The following C17orf107 variants were observed in gnomAD, a reference collection of about 807,000 sequenced individuals.
The protein encoded by C17orf107 is uncharacterized protein C17orf107.
Under a neutral mutation model 8.9 loss-of-function variants are expected in C17orf107, and 9 were observed. The observed-to-expected ratio is 1.02, with a 90% confidence interval of 0.61 to 1.77. The LOEUF (loss-of-function observed/expected upper bound fraction) is 1.77. C17orf107 is among the 40% of genes most tolerant of loss of function. The pLI, the probability that C17orf107 is intolerant of heterozygous loss-of-function variation, is 0.00. For missense variants in C17orf107, 281 were observed against 249.0 expected (o/e 1.13, Z -0.86); for synonymous variants, 139 against 120.3 (o/e 1.16, Z -1.02).
rs1969971072 is a variant in C17orf107 at position 4,901,132 on chromosome 17, G to A, written c.*599G>A. 10 of 1,612,354 alleles carry A rather than the reference G, an allele frequency of 6.2e-6. No homozygotes were observed. The highest frequency in any genetic ancestry group is 7.6e-6 in the Non-Finnish European group (9 of 1,179,916). ...CAGTCTCCCCTGGGCCGTCGGTGGC[G>A]CCACCGTGGTGGCGGCGGATCACCC... On this transcript the variant is annotated 3_prime_UTR_variant, in exon 3 of 3. Transcript: ENST00000381365.
rs1167646186 is a variant in C17orf107 at position 4,902,755 on chromosome 17, C to A, written c.*2222C>A. ...AGACGCAGTTCCTCGTTCTTCCCCA[C>A]ACCCCTGCCTGCGATGGGGTCAAGA... On this transcript the variant is annotated 3_prime_UTR_variant, in exon 3 of 3. Coordinates refer to ENST00000381365, the MANE Select transcript of C17orf107 (RefSeq NM_001145536.2). This position sits in a 1 kb window ranked among gnomAD's most constrained non-coding sequence, Gnocchi z 4.0. The A allele has an allele frequency of 5.6e-6, 9 of 1,614,070 alleles. No homozygotes were observed. In the South Asian group the frequency reaches 8.8e-5, roughly 16 times the overall value.
chr17:4,901,199 CG>C lies in C17orf107; in HGVS notation c.*671del, dbSNP rs2151097507. ...GGCCCACTCGCCGTTCTCTGCGGGA[CG>C]GGGGCACGGTCAGCTGGCTGTCAGA... On this transcript the variant is annotated 3_prime_UTR_variant, in exon 3 of 3. Transcript: ENST00000381365. The C allele has an allele frequency of 6.3e-7, 1 of 1,599,754 alleles. No homozygotes were observed. Among genetic ancestry groups the C allele is most frequent in the African/African-American group, 1.3e-5 (1 of 74,936 alleles).
chr17:4,899,895 G>A (rs1204949099), intron 1 of C17orf107, 41 bp from the exon 2 acceptor site: 1 of 1,549,142 alleles, frequency 6.5e-7, no homozygotes, highest in East Asian at 2.4e-5. Flanking sequence ...TCGCCCCTGT[G>A]ACCCCTGCCC....
downstream of C17orf107, among the ~76,000 whole-genome samples, chr17:4,906,060 G>A (rs1300315515): frequency 6.6e-6 from 1 of 152,176 alleles, no homozygotes; most frequent in African/African-American, 2.4e-5. Flanking sequence ...TTTCTACTGT[G>A]TAGTTTCTGC....
Position 4,901,174 on chromosome 17 carries a change from GGCCCACTC to G in C17orf107, c.*645_*652del. Reference sequence around the variant, plus strand: ...GGATCACCCCCGGGCAGAAGTCGATGGCCCACTCGCCGTTCTCTGCGGGACGGGGGCAC... The same window carrying G: ...GGATCACCCCCGGGCAGAAGTCGATGGCCGTTCTCTGCGGGACGGGGGCAC... On this transcript the variant is annotated 3_prime_UTR_variant, in exon 3 of 3. Transcript: ENST00000381365. 1 of 1,605,862 alleles carries G rather than the reference GGCCCACTC, an allele frequency of 6.2e-7. No individual in the cohort carries two copies. The highest frequency in any genetic ancestry group is 1.3e-5 in the African/African-American group (1 of 75,040).
Position 4,902,623 on chromosome 17 carries a change from G to C in C17orf107, c.*2090G>C, listed in dbSNP as rs776667913. 1.2e-6 allele frequency: 2 copies of C among 1,614,118 alleles called. No individual in the cohort carries two copies. Among genetic ancestry groups the C allele is most frequent in the South Asian group, 2.2e-5 (2 of 91,084 alleles). On this transcript the variant is annotated 3_prime_UTR_variant, in exon 3 of 3. Coordinates refer to ENST00000381365, the MANE Select transcript of C17orf107 (RefSeq NM_001145536.2). The surrounding 1 kb of genome is among the most constrained non-coding windows in gnomAD (Gnocchi z 4.0). ...AGATGAGGGTGGGGGTAGCTTACCA[G>C]TGAGATGAGATTCGTCAGGGTGACC...
At position 4,900,224 on chromosome 17, in the gene C17orf107, GC is replaced by G. The variant is rs1163851942; in HGVS notation, c.277-8del. 1 of 1,546,034 alleles carries G rather than the reference GC, an allele frequency of 6.5e-7. No homozygotes were observed. On this transcript the variant is annotated splice_polypyrimidine_tract_variant and intron_variant, in intron 2 of 2. Transcript: ENST00000381365. ...CCTCTGCCTCCCCGCTAACCCCTGTGCCCCCAATGCAGATCTCAGCCCTGTG... is the reference window on the plus strand; with the variant it reads ...CCTCTGCCTCCCCGCTAACCCCTGTGCCCCAATGCAGATCTCAGCCCTGTG...
At chr17:4,903,066 T>G (rs1597623282), downstream of C17orf107, 1 of 1,614,034 alleles carries the variant, frequency 6.2e-7, no homozygotes, top group East Asian at 2.2e-5. Context: ...CTTGCCATCC[T>G]GCTGCGTGGT....
At position 4,901,726 on chromosome 17, in the gene C17orf107, A is replaced by T. The variant is rs1340286647; in HGVS notation, c.*1193A>T. On this transcript the variant is annotated 3_prime_UTR_variant, in exon 3 of 3. Transcript: ENST00000381365. ...GGGATCTAGCGGGGCCGCGATCCCA[A>T]GCCCACCCCTTCACCCAAGCCCAGC... 1 of 1,313,726 alleles carries T rather than the reference A, an allele frequency of 7.6e-7. No individual in the cohort carries two copies. The highest frequency in any genetic ancestry group is 1.5e-5 in the African/African-American group (1 of 68,864). The allele number at this position is 1,313,726 out of a possible 1,614,324, so 81.4% of individuals were successfully genotyped here.
Position 4,902,553 on chromosome 17 carries a change from G to C in C17orf107, c.*2020G>C. The C allele has an allele frequency of 6.2e-7, 1 of 1,613,794 alleles. No individual in the cohort carries two copies. Among genetic ancestry groups the C allele is most frequent in the South Asian group, 1.1e-5 (1 of 91,074 alleles). On this transcript the variant is annotated 3_prime_UTR_variant, in exon 3 of 3. Transcript: ENST00000381365. The surrounding 1 kb of genome is among the most constrained non-coding windows in gnomAD (Gnocchi z 4.0). ...ATTTCAGGGCCAGAAGTGAGCTTTA[G>C]GACAGAGCTCAGCGGTTGGGGCCAG...
In C17orf107 at chr17:4,901,159, C is replaced by A. The variant is rs770306808; in HGVS notation, c.*626C>A. On this transcript the variant is annotated 3_prime_UTR_variant, in exon 3 of 3. Transcript: ENST00000381365. ...CACCGTGGTGGCGGCGGATCACCCCCGGGCAGAAGTCGATGGCCCACTCGC... is the reference window on the plus strand; with the variant it reads ...CACCGTGGTGGCGGCGGATCACCCCAGGGCAGAAGTCGATGGCCCACTCGC... 6.2e-7 allele frequency: 1 copy of A among 1,609,316 alleles called. No homozygotes were observed. Among genetic ancestry groups the A allele is most frequent in the African/African-American group, 1.3e-5 (1 of 75,036 alleles).
Position 4,900,470 on chromosome 17 carries a change from G to C in C17orf107, c.510G>C (p.Ser170=), listed in dbSNP as rs184464124. The change falls in exon 3 of 3, where the codon TCG becomes TCC. Residue 170 remains serine, a synonymous_variant. Coordinates refer to ENST00000381365, the MANE Select transcript of C17orf107 (RefSeq NM_001145536.2). ...LQGSASFLRQ[S]QQQLGLGIPG... ...GGTCTGCCTCATTCCTGCGACAGTCGCAACAGCAGCTAGGCCTCGGAATCC... is the reference window on the plus strand; with the variant it reads ...GGTCTGCCTCATTCCTGCGACAGTCCCAACAGCAGCTAGGCCTCGGAATCC... 1.5e-3 allele frequency: 2,259 copies of C among 1,551,108 alleles called. 4 individuals are homozygous for C. The highest frequency in any genetic ancestry group is 1.4e-3 in the Non-Finnish European group (1,607 of 1,146,986).
chr17:4,901,364 G>T lies in C17orf107; in HGVS notation c.*831G>T. On this transcript the variant is annotated 3_prime_UTR_variant, in exon 3 of 3. Coordinates refer to ENST00000381365, the MANE Select transcript of C17orf107 (RefSeq NM_001145536.2). ...GAGGGTATGGAAAGCCAGAAGGCAG[G>T]ACTAGAGTAACAATCGAGAATGATT... 2.1e-6 allele frequency: 2 copies of T among 933,952 alleles called. No individual in the cohort carries two copies. Among genetic ancestry groups the T allele is most frequent in the South Asian group, 1.4e-5 (1 of 73,510 alleles). 57.9% of individuals were successfully genotyped at this position (933,952 alleles called of 1,614,324 possible).
At position 4,900,350 on chromosome 17, in the gene C17orf107, G is replaced by T; in HGVS notation, c.390G>T (p.Gly130=). The T allele has an allele frequency of 6.5e-7, 1 of 1,547,794 alleles. No individual in the cohort carries two copies. Among genetic ancestry groups the T allele is most frequent in the South Asian group, 1.2e-5 (1 of 83,978 alleles). ...TGAGCCGGGTAGCCCAAGCCGCAGG[G>T]CAGGGGGTTCGGCAAGCTGGGGCTG... ...AALSRVAQAA[G]QGVRQAGAAV... is the part of the protein sequence containing the mutation. Residue 130 remains glycine, a synonymous_variant, in exon 3 of 3, where the codon GGG becomes GGT. Transcript: ENST00000381365.
At position 4,899,538 on chromosome 17, in the gene C17orf107, T is replaced by C. The variant is rs1280283697; in HGVS notation, c.-225T>C. On this transcript the variant is annotated 5_prime_UTR_variant, in exon 1 of 3. Coordinates refer to ENST00000381365, the MANE Select transcript of C17orf107 (RefSeq NM_001145536.2). ...GGACACGTTGAGCACGATGACGCAATTCATGACAATGAGCGTGGCGACCAC... is the reference window on the plus strand; with the variant it reads ...GGACACGTTGAGCACGATGACGCAACTCATGACAATGAGCGTGGCGACCAC... 1 of 1,603,270 alleles carries C rather than the reference T, an allele frequency of 6.2e-7. No individual in the cohort carries two copies. The highest frequency in any genetic ancestry group is 8.5e-7 in the Non-Finnish European group (1 of 1,175,996).
Position 4,902,446 on chromosome 17 carries a change from T to C in C17orf107, c.*1913T>C, listed in dbSNP as rs1327240474. 1 of 1,614,148 alleles carries C rather than the reference T, an allele frequency of 6.2e-7. No homozygotes were observed. The highest frequency in any genetic ancestry group is 2.2e-5 in the East Asian group (1 of 44,870). ...CCTCACACCATTCCCCAGATTTGAC[T>C]CACGATTCCAATCCAGACGCTAGTG... On this transcript the variant is annotated 3_prime_UTR_variant, in exon 3 of 3. Transcript: ENST00000381365. The surrounding 1 kb of genome is among the most constrained non-coding windows in gnomAD (Gnocchi z 4.0).
Position 4,900,052 on chromosome 17 carries a change from G to A in C17orf107, c.183G>A (p.Met61Ile), listed in dbSNP as rs1206034449. The A allele has an allele frequency of 4.5e-6, 7 of 1,551,322 alleles. No individual in the cohort carries two copies. Among genetic ancestry groups the A allele is most frequent in the Non-Finnish European group, 6.1e-6 (7 of 1,147,010 alleles). The change falls in exon 2 of 3, where the codon ATG becomes ATA. Residue 61 changes from methionine to isoleucine, a missense_variant. Coordinates refer to ENST00000381365, the MANE Select transcript of C17orf107 (RefSeq NM_001145536.2). ...LKSLEPPEPK[M>I]QGMLPAPKPT... Reference sequence around the variant, plus strand: ...CCCTGGAGCCACCCGAACCGAAGATGCAGGGGATGCTGCCTGCCCCGAAGC... The same window carrying A: ...CCCTGGAGCCACCCGAACCGAAGATACAGGGGATGCTGCCTGCCCCGAAGC...
At position 4,901,920 on chromosome 17, in the gene C17orf107, A is replaced by G. The variant is rs1309891561; in HGVS notation, c.*1387A>G. ...ACAATAATCGTCCGGGCCTCGGAGTAGCTCTTCCCACCGGAAAATAAGCGA... is the reference window on the plus strand; with the variant it reads ...ACAATAATCGTCCGGGCCTCGGAGTGGCTCTTCCCACCGGAAAATAAGCGA... On this transcript the variant is annotated 3_prime_UTR_variant, in exon 3 of 3. Transcript: ENST00000381365. The G allele has an allele frequency of 1.5e-6, 2 of 1,337,114 alleles. No homozygotes were observed. Among genetic ancestry groups the G allele is most frequent in the South Asian group, 2.3e-5 (2 of 87,620 alleles). 82.8% of individuals were successfully genotyped at this position (1,337,114 alleles called of 1,614,324 possible).
chr17:4,903,617 C>G (rs1317135546), downstream of C17orf107, among the ~76,000 whole-genome samples: 1 of 152,126 alleles, frequency 6.6e-6, no homozygotes, highest in African/African-American at 2.4e-5. Context: ...CCCTGCGGTA[C>G]AGAGATTCCA....
Sources: allele counts gnomAD v4.1 joint callset (sites outside exome capture counted in the v4.1 genomes callset), GRCh38; gene constraint gnomAD v4.1.1; non-coding constraint Gnocchi (gnomAD v3.1); transcripts MANE v1.5; gene names NCBI Gene and HGNC (gene_info 2026-07-23, HGNC 2026-07-21).